Variants in ASB3 observed in about 807,000 individuals in gnomAD.
ASB3 encodes the protein ankyrin repeat and SOCS box containing 3.
Under a neutral mutation model 54.5 loss-of-function variants are expected in ASB3, and 41 were observed. That is an observed-to-expected ratio of 0.75 (90% CI 0.59 to 0.98). The LOEUF (loss-of-function observed/expected upper bound fraction) is 0.98, where lower values mean the gene tolerates loss of function less well. ASB3 is among the 50% of genes least tolerant of loss of function. The probability of loss-of-function intolerance (pLI) is 0.00; values close to 1 mark genes in which losing one functional copy is unlikely to be tolerated. For missense variants in ASB3, 733 were observed against 620.0 expected, an observed-to-expected ratio of 1.18 and a Z score of -1.94; for synonymous variants, 266 against 221.2, an observed-to-expected ratio of 1.20 and a Z score of -1.80.
chr2:53,731,796 G>A (rs1360091950), intron 3 of ASB3, among the ~76,000 whole-genome samples: 1 of 152,132 alleles, frequency 6.6e-6, no homozygotes, highest in African/African-American at 2.4e-5. Context: ...GGGATTACAG[G>A]CACCCGCAAT....
At chr2:53,768,045 C>A in intron 1 of ASB3, 1 of 1,610,712 alleles carries the variant, frequency 6.2e-7, no homozygotes. Context: ...CAGCTCCCCA[C>A]ACTTACTGCC....
intron 9 of ASB3, among the ~76,000 whole-genome samples, chr2:53,682,229 G>T (rs996480401): frequency 6.6e-6 from 1 of 151,712 alleles, no homozygotes; most frequent in Non-Finnish European, 1.5e-5. Context: ...TATTTTGATA[G>T]GAATTGCATT....
chr2:53,709,510 A>G (rs1324044538), intron 7 of ASB3, among the ~76,000 whole-genome samples: 1 of 152,216 alleles, frequency 6.6e-6, no homozygotes, highest in Admixed American at 6.5e-5. Context: ...ACTGAAATCT[A>G]AAGAAAGTTA....
chr2:53,707,570 C>T (rs181434915), intron 7 of ASB3, among the ~76,000 whole-genome samples: 31 of 151,860 alleles, frequency 2.0e-4, no homozygotes, highest in Non-Finnish European at 3.7e-4. Flanking sequence ...TGGCATGAAC[C>T]CAGGAGGCAG....
chr2:53,708,971 A>G (rs188043212), intron 7 of ASB3, among the ~76,000 whole-genome samples: 2 of 152,198 alleles, frequency 1.3e-5, no homozygotes, highest in Non-Finnish European at 2.9e-5. Flanking sequence ...AGCCTGGCAA[A>G]TGGTAGAAAA....
intron 3 of ASB3, among the ~76,000 whole-genome samples, chr2:53,739,326 C>G (rs1261597622): frequency 6.6e-6 from 1 of 152,096 alleles, no homozygotes; most frequent in Non-Finnish European, 1.5e-5. Flanking sequence ...AAGCAAAGCC[C>G]CATGTGAAGA....
chr2:53,769,834 T>C (rs988800110), intron 1 of ASB3, among the ~76,000 whole-genome samples: 2 of 152,146 alleles, frequency 1.3e-5, no homozygotes, highest in African/African-American at 2.4e-5. Flanking sequence ...AAGAGTGAAA[T>C]TCCGTCTCAA....
At chr2:53,741,367 T>C (rs562126588) in intron 3 of ASB3, among the ~76,000 whole-genome samples, 2 of 152,224 alleles carry the variant, frequency 1.3e-5, no homozygotes, top group Non-Finnish European at 2.9e-5. Context: ...TGGCTGTCAA[T>C]GTGCAAATTG....
intron 3 of ASB3, among the ~76,000 whole-genome samples, chr2:53,749,625 AC>A (rs1672411304): frequency 6.6e-6 from 1 of 152,130 alleles, no homozygotes; most frequent in Non-Finnish European, 1.5e-5. Context: ...GATTCAGCTA[AC>A]AAAAAGAAAT....
chr2:53,738,108 T>C (rs1176459207), intron 3 of ASB3, among the ~76,000 whole-genome samples: 1 of 152,190 alleles, frequency 6.6e-6, no homozygotes, highest in Non-Finnish European at 1.5e-5. Context: ...TGTAAGCCCA[T>C]GATATCAGGA....
chr2:53,777,927 G>T (rs558977589), intron 1 of ASB3, among the ~76,000 whole-genome samples: 80 of 151,960 alleles, frequency 5.3e-4, no homozygotes, highest in Non-Finnish European at 8.2e-4. Context: ...CGGGTGGATC[G>T]CCTGAAGTCA....
chr2:53,734,163 T>C (rs757283101), intron 3 of ASB3, among the ~76,000 whole-genome samples: 41 of 152,260 alleles, frequency 2.7e-4, no homozygotes, highest in Non-Finnish European at 5.1e-4. Context: ...GCTGCAGAGA[T>C]TTTGTTTATG....
At chr2:53,749,397 C>A (rs1040443049) in intron 3 of ASB3, among the ~76,000 whole-genome samples, 1 of 152,092 alleles carries the variant, frequency 6.6e-6, no homozygotes, top group Non-Finnish European at 1.5e-5. Context: ...AAACTTCCAA[C>A]TTGTTTCCCA....
chr2:53,786,607 G>C (rs866103565), intron 1 of ASB3: 1 of 152,392 alleles, frequency 6.6e-6, no homozygotes, highest in South Asian at 2.1e-4. Flanking sequence ...CGGAGAAAAA[G>C]AAGAAAAGCT....
intron 5 of ASB3, among the ~76,000 whole-genome samples, chr2:53,721,470 C>T (rs980955783): frequency 6.6e-6 from 1 of 150,802 alleles, no homozygotes; most frequent in African/African-American, 2.4e-5. Flanking sequence ...ACTCAGGAGA[C>T]TGAGGCAGGA....
intron 9 of ASB3, among the ~76,000 whole-genome samples, chr2:53,683,448 G>C (rs1215922130): frequency 6.6e-6 from 1 of 151,070 alleles, no homozygotes; most frequent in Non-Finnish European, 1.5e-5. Flanking sequence ...TTTTGTTTTT[G>C]ATGTGTCTTT....
chr2:53,711,033 G>C (rs1670066649), intron 7 of ASB3, among the ~76,000 whole-genome samples: 3 of 152,258 alleles, frequency 2.0e-5, no homozygotes, highest in South Asian at 4.1e-4. Context: ...AAGAGGCTGA[G>C]GCAGGATAAT....
intron 9 of ASB3, among the ~76,000 whole-genome samples, chr2:53,686,229 A>G (rs1457598352): frequency 6.6e-6 from 1 of 152,168 alleles, no homozygotes; most frequent in East Asian, 1.9e-4. Flanking sequence ...CTACTTCTGG[A>G]TGGTTATTTT....
intron 6 of ASB3, among the ~76,000 whole-genome samples, 184 bp from the exon 7 acceptor site, chr2:53,714,765 T>G (rs1670293968): frequency 6.6e-6 from 1 of 152,180 alleles, no homozygotes; most frequent in Non-Finnish European, 1.5e-5. Context: ...CTCCAGAATG[T>G]TACACTTATT....
Sources: gnomAD v4.1 joint callset for allele counts (sites outside exome capture counted in the v4.1 genomes callset) on GRCh38, gnomAD v4.1.1 for gene constraint, MANE v1.5 for transcripts, NCBI Gene and HGNC (gene_info 2026-07-23, HGNC 2026-07-21) for gene names.